Variants in KCTD15 observed in about 807,000 individuals in gnomAD.
The protein encoded by KCTD15 is potassium channel tetramerization domain containing 15.
KCTD15 carries 11 observed loss-of-function variants against 27.2 expected under a neutral mutation model. The observed-to-expected ratio is 0.41, with a 90% CI of 0.25 to 0.67. KCTD15 has a LOEUF of 0.67. KCTD15 is among the 30% of genes least tolerant of loss of function. The pLI is 0.35. For missense variants in KCTD15, 350 were observed against 409.3 expected (o/e 0.86, Z 1.25); for synonymous variants, 163 against 176.0 (o/e 0.93, Z 0.58).
At chr19:33,799,237 G>C (rs1431342711) in intron 2 of KCTD15, among the ~76,000 whole-genome samples, 1 of 152,128 alleles carries the variant, frequency 6.6e-6, no homozygotes, top group Non-Finnish European at 1.5e-5. Context: ...GAGCAACCTT[G>C]CTTACATTTG....
chr19:33,806,854 C>T lies in KCTD15; in HGVS notation c.243-9C>T, dbSNP rs569195835. 9 of 1,612,816 alleles carry T rather than the reference C, an allele frequency of 5.6e-6. No homozygotes were observed. In the South Asian group the frequency reaches 9.9e-5, roughly 18 times the overall value. On this transcript the variant is annotated splice_polypyrimidine_tract_variant and intron_variant, in intron 4 of 6. Coordinates refer to ENST00000683859, the MANE Select transcript of KCTD15 (RefSeq NM_001129994.2). ...CCTTCAGACATCCCACCTCGCCTGT[C>T]TCTCCCAGGATAAGCCGCCTCTTCA... is the stretch of plus-strand genomic sequence containing the variant.
At chr19:33,801,600 G>T (rs548707704) in intron 4 of KCTD15, 5 of 380,994 alleles carry the variant, frequency 1.3e-5, no homozygotes, top group South Asian at 1.5e-4. Context: ...ACCTGCAGGG[G>T]ACTAGGGCTT....
intron 1 of KCTD15, chr19:33,798,211 C>G (rs1245849271): frequency 6.6e-6 from 1 of 152,228 alleles, no homozygotes; most frequent in Non-Finnish European, 1.5e-5. Flanking sequence ...AGTGCGGAGC[C>G]GAGGGGAGCT....
In KCTD15 at chr19:33,813,219, C is replaced by A; in HGVS notation, c.*271C>A. On this transcript the variant is annotated 3_prime_UTR_variant, in exon 7 of 7. Transcript: ENST00000683859. ...CCAGCCCCTCAGCTTCGCAGCCTGG[C>A]GCAGCATCCTCTGAGGCCCCGGGGC... 1.6e-6 allele frequency: 1 copy of A among 641,268 alleles called. No homozygotes were observed. Among genetic ancestry groups the A allele is most frequent in the Non-Finnish European group, 2.9e-6 (1 of 349,300 alleles). 39.7% of individuals were successfully genotyped at this position (641,268 alleles called of 1,614,324 possible). A position where few individuals can be genotyped will look rare whatever the true frequency, so the allele number is the denominator to read the frequency against.
intron 4 of KCTD15, 138 bp from the exon 5 acceptor site, chr19:33,806,725 G>A: frequency 1.1e-6 from 1 of 931,738 alleles, no homozygotes; most frequent in Non-Finnish European, 1.6e-6. Flanking sequence ...GTCAGGCCTG[G>A]AACAGTTCCA....
At chr19:33,795,518 G>T (rs541019941), upstream of KCTD15, among the ~76,000 whole-genome samples, 182 of 151,500 alleles carry the variant, frequency 1.2e-3, no homozygotes, top group African/African-American at 4.3e-3. Flanking sequence ...GCGCCGTTCC[G>T]GCCCGTGCGC....
Position 33,800,473 on chromosome 19 carries a change from C to A in KCTD15, c.19C>A (p.Arg7=), listed in dbSNP as rs575065938. 3.7e-5 allele frequency: 59 copies of A among 1,605,208 alleles called. No homozygotes were observed. The highest frequency in any genetic ancestry group is 4.6e-5 in the Non-Finnish European group (54 of 1,177,128). Reference sequence around the variant, plus strand: ...AGCCTAGATGCCTCACCGCAAGGAGCGGCCGAGCGGGTCCTCGCTTCACAC... The same window carrying A: ...AGCCTAGATGCCTCACCGCAAGGAGAGGCCGAGCGGGTCCTCGCTTCACAC... MPHRKE[R]PSGSSLHTHG... The change falls in exon 3 of 7, where the codon CGG becomes AGG. Residue 7 remains arginine, a synonymous_variant. Transcript: ENST00000683859.
intron 6 of KCTD15, chr19:33,812,270 A>C: frequency 9.8e-7 from 1 of 1,022,418 alleles, no homozygotes; most frequent in Non-Finnish European, 1.2e-6. Flanking sequence ...TCAAATATTG[A>C]GAGGACTTCT....
chr19:33,813,078 A>G lies in KCTD15; in HGVS notation c.*130A>G. ...TGGAGGGTCCAAAGCTGGCCCAGCG[A>G]GCACCAGGGTCCCAGGTGTCATGGC... On this transcript the variant is annotated 3_prime_UTR_variant, in exon 7 of 7. Coordinates refer to ENST00000683859, the MANE Select transcript of KCTD15 (RefSeq NM_001129994.2). 1.1e-6 allele frequency: 1 copy of G among 931,050 alleles called. No individual in the cohort carries two copies. Among genetic ancestry groups the G allele is most frequent in the South Asian group, 1.5e-5 (1 of 65,350 alleles). The allele number at this position is 931,050 out of a possible 1,614,324, so 57.7% of individuals were successfully genotyped here.
upstream of KCTD15, chr19:33,796,545 C>G (rs975053737): frequency 1.3e-5 from 2 of 150,986 alleles, no homozygotes; most frequent in African/African-American, 2.4e-5. Flanking sequence ...GGCCGGATCG[C>G]TGCCCTTTAC....
intron 4 of KCTD15, among the ~76,000 whole-genome samples, chr19:33,805,008 A>G (rs1378282347): frequency 1.3e-5 from 2 of 149,356 alleles, no homozygotes; most frequent in African/African-American, 4.9e-5. Flanking sequence ...GCTCATTGCA[A>G]CCTCAAACGC....
Position 33,811,566 on chromosome 19 carries a change from G to A in KCTD15, c.693+14G>A. ...AACTCGGTACAGGTGAGGGCTGCAC[G>A]CTGCCCCCTCCCCGCCGCACCCCCG... is the stretch of plus-strand genomic sequence containing the variant. On this transcript the variant is annotated intron_variant, in intron 6 of 6. Transcript: ENST00000683859. The A allele has an allele frequency of 8.2e-6, 13 of 1,582,162 alleles. No individual in the cohort carries two copies. In the South Asian group the frequency reaches 9.2e-5, roughly 11 times the overall value.
At chr19:33,807,034 G>A (rs1975734372) in intron 5 of KCTD15, 27 bp downstream of exon 5, 2 of 1,610,138 alleles carry the variant, frequency 1.2e-6, no homozygotes, top group Non-Finnish European at 1.7e-6. Context: ...TGGCCCCCCT[G>A]CACTGCCTGT....
intron 4 of KCTD15, among the ~76,000 whole-genome samples, chr19:33,802,354 G>A (rs1418116582): frequency 1.3e-5 from 2 of 152,220 alleles, no homozygotes; most frequent in Non-Finnish European, 2.9e-5. Flanking sequence ...TCATCTCTGG[G>A]GAGCATACAC....
chr19:33,802,826 C>G (rs528983073), intron 4 of KCTD15, among the ~76,000 whole-genome samples: 3 of 152,364 alleles, frequency 2.0e-5, no homozygotes, highest in East Asian at 3.9e-4. Context: ...GCCCACAACC[C>G]TCTCTGAAGA....
chr19:33,807,070 G>A, intron 5 of KCTD15, 63 bp downstream of exon 5: 1 of 1,541,932 alleles, frequency 6.5e-7, no homozygotes, highest in East Asian at 2.3e-5. Flanking sequence ...AGGGGACGCT[G>A]TGACTTAATA....
Position 33,810,830 on chromosome 19 carries a change from C to T in KCTD15, c.388-417C>T, listed in dbSNP as rs1213733311. On this transcript the variant is annotated intron_variant, in intron 5 of 6. Transcript: ENST00000683859. The stretch of plus-strand genomic sequence containing the variant: ...AGAACTTTTTTTGCTTCCGGGTAGG[C>T]TGTGAGCTCCTAGGCCCGGCTGCCC... Among the ~76,000 whole-genome samples, 4 of 151,698 alleles carry T rather than the reference C, an allele frequency of 2.6e-5. No homozygotes were observed. The East Asian group carries it at 7.8e-4, about 30-fold the overall frequency.
In KCTD15 at chr19:33,812,898, C is replaced by T. The variant is rs1450362857; in HGVS notation, c.802C>T (p.Pro268Ser). 6.5e-7 allele frequency: 1 copy of T among 1,549,932 alleles called. No individual in the cohort carries two copies. Among genetic ancestry groups the T allele is most frequent in the African/African-American group, 1.4e-5 (1 of 73,134 alleles). Residue 268 changes from proline (P) to serine (S), a missense_variant, in exon 7 of 7, where the codon CCG becomes TCG. Around this residue, in one of 3 missense-constraint regions of KCTD15, gnomAD observed 219 missense variants for 234.9 expected, o/e 0.93. Transcript: ENST00000683859. Reference sequence around the variant, plus strand: ...TGTGCTTTGCCGGGAGGAGCGGCGGCCGCAGCCCACCCCCACTGCTGTTCG... The same window carrying T: ...TGTGCTTTGCCGGGAGGAGCGGCGGTCGCAGCCCACCCCCACTGCTGTTCG... ...EYVLCREERR[P>S]QPTPTAVRIK...
intron 1 of KCTD15, chr19:33,797,283 TGCGC>T (rs757561501): frequency 0.15 from 17,529 of 117,846 alleles, 1,212 homozygotes; most frequent in African/African-American, 0.19. Flanking sequence ...TGTGTGTGTG[TGCGC>T]GCGCGCGCGC....
Sources: allele counts gnomAD v4.1 joint callset (sites outside exome capture counted in the v4.1 genomes callset), GRCh38; gene constraint gnomAD v4.1.1; regional missense constraint gnomAD v4.1.1; transcripts MANE v1.5; gene names NCBI Gene and HGNC (gene_info 2026-07-23, HGNC 2026-07-21).